Variants in ZFHX3 observed in about 807,000 individuals in gnomAD.
ZFHX3 encodes the protein zinc finger homeobox 3, also known as zinc finger homeobox protein 3.
A neutral mutation model predicts 279.1 loss-of-function variants in ZFHX3; 42 were observed. The ratio of observed to expected loss-of-function variants is 0.15; its 90% CI spans 0.12 to 0.19. ZFHX3 has a LOEUF of 0.19. Among genes scored for constraint, ZFHX3 ranks in the 10% least tolerant of loss-of-function variants. The probability of loss-of-function intolerance (pLI) is 1.00; values close to 1 mark genes in which losing one functional copy is unlikely to be tolerated. For missense variants in ZFHX3, 4,981 were observed against 4,754.0 expected (o/e 1.05, Z -1.40); for synonymous variants, 2,293 against 1,957.8 (o/e 1.17, Z -4.52).
In ZFHX3 at chr16:73,192,312, G is replaced by A. The variant is rs527452548; in HGVS notation, c.-1103-48481C>T. On this transcript the variant is annotated intron_variant, in intron 5 of 17. Transcript: ENST00000641206. ...GAATGAAAATTTAGGAAGAGTGACT[G>A]TTTGAAATGAGGCATTGAGAGGTGC... 5.1e-4 allele frequency among the ~76,000 whole-genome samples: 78 copies of A among 152,304 alleles called. 1 individual carries two copies. Among genetic ancestry groups the A allele is most frequent in the African/African-American group, 1.7e-3 (71 of 41,566 alleles).
intron 2 of ZFHX3, among the ~76,000 whole-genome samples, chr16:72,956,488 T>C (rs988490647): frequency 2.0e-5 from 3 of 152,180 alleles, no homozygotes; most frequent in African/African-American, 4.8e-5. Context: ...CAGCAGCAGC[T>C]ATCCTCAAAG....
chr16:73,780,393 C>T (rs1959426286), intron 1 of ZFHX3, among the ~76,000 whole-genome samples: 1 of 150,378 alleles, frequency 6.6e-6, no homozygotes, highest in South Asian at 2.1e-4. Flanking sequence ...GGTAATCCAC[C>T]CACCTCGGCC....
intron 1 of ZFHX3, among the ~76,000 whole-genome samples, chr16:73,784,812 T>TACACACACACAC (rs1226571839): frequency 7.3e-6 from 1 of 136,382 alleles, no homozygotes; most frequent in African/African-American, 2.8e-5. Context: ...TATATATATA[T>TACACACACACAC]ATATACACAC....
chr16:72,880,013 C>T (rs1311595869), intron 4 of ZFHX3, among the ~76,000 whole-genome samples: 1 of 152,178 alleles, frequency 6.6e-6, no homozygotes, highest in Non-Finnish European at 1.5e-5. Context: ...TTGAGCACTT[C>T]CGGCTTCATT....
chr16:73,478,104 C>G (rs1401782386), intron 2 of ZFHX3, among the ~76,000 whole-genome samples: 1 of 151,934 alleles, frequency 6.6e-6, no homozygotes, highest in Non-Finnish European at 1.5e-5. Context: ...AACCCCGTCT[C>G]TACTAAAAAT....
intron 2 of ZFHX3, among the ~76,000 whole-genome samples, chr16:73,632,814 C>A (rs548434743): frequency 6.6e-6 from 1 of 152,124 alleles, no homozygotes; most frequent in South Asian, 2.1e-4. Flanking sequence ...CGGTGGCTTA[C>A]GCCTGTAATC....
chr16:73,530,367 T>C (rs1168855681), intron 2 of ZFHX3, among the ~76,000 whole-genome samples: 1 of 152,098 alleles, frequency 6.6e-6, no homozygotes, highest in Non-Finnish European at 1.5e-5. Flanking sequence ...CCAAACAATA[T>C]GGGAACACAG....
At chr16:72,802,472 G>T (rs1300075040) in intron 7 of ZFHX3, among the ~76,000 whole-genome samples, 1 of 152,124 alleles carries the variant, frequency 6.6e-6, no homozygotes, top group Non-Finnish European at 1.5e-5. Context: ...CTCCAAACCT[G>T]TAAGTCTTGC....
At position 73,333,503 on chromosome 16, in the gene ZFHX3, A is replaced by C. The variant is rs143750164; in HGVS notation, c.-1290-15167T>G. ...AAAGCAAGAAAGCAAGCAAGCAGGC[A>C]AGCAAGCCAGTCAGCCAGCCCAGGC... On this transcript the variant is annotated intron_variant, in intron 3 of 17. Transcript: ENST00000641206. Among the ~76,000 whole-genome samples, 12 of 152,360 alleles carry C rather than the reference A, an allele frequency of 7.9e-5. No individual in the cohort carries two copies. The East Asian group carries it at 2.3e-3, about 29-fold the overall frequency.
intron 2 of ZFHX3, among the ~76,000 whole-genome samples, chr16:73,468,658 G>A (rs1421028748): frequency 1.3e-5 from 2 of 152,124 alleles, no homozygotes; most frequent in Admixed American, 1.3e-4. Flanking sequence ...AATCATTTGA[G>A]CCCTGGAGGC....
In ZFHX3 at chr16:73,295,018, C is replaced by A. The variant is rs144599127; in HGVS notation, c.-1194+23222G>T. Among the ~76,000 whole-genome samples, 6 of 152,078 alleles carry A rather than the reference C, an allele frequency of 3.9e-5. No homozygotes were observed. The East Asian group carries it at 1.2e-3, about 29-fold the overall frequency. ...CACGAGGTCAGGAGATCGAGACCAT[C>A]CTGGCTAACAAGGTGAAACCAAGTC... On this transcript the variant is annotated intron_variant, in intron 4 of 17. Transcript: ENST00000641206.
At chr16:73,694,974 G>A (rs913318128) in intron 1 of ZFHX3, among the ~76,000 whole-genome samples, 18 of 152,332 alleles carry the variant, frequency 1.2e-4, no homozygotes, top group Admixed American at 3.3e-4. Flanking sequence ...CTAAGCTGAG[G>A]CAGTTGAGAG....
Position 73,479,587 on chromosome 16 carries a change from G to A in ZFHX3, c.-1546-23329C>T, listed in dbSNP as rs537709990. Among the ~76,000 whole-genome samples the A allele has an allele frequency of 9.2e-4, 140 of 152,220 alleles. No homozygotes were observed. In the Middle Eastern group the frequency reaches 0.01, roughly 11 times the overall value. Reference sequence around the variant, plus strand: ...CTGTTATATGATCACCTGTTAACACGCCTGCCTCCTTCAACCTGTGATCAG... The same window carrying A: ...CTGTTATATGATCACCTGTTAACACACCTGCCTCCTTCAACCTGTGATCAG... On this transcript the variant is annotated intron_variant, in intron 2 of 17. Transcript: ENST00000641206.
rs368601915 is a variant in ZFHX3 at position 73,531,016 on chromosome 16, G to C, written c.-1546-74758C>G. Among the ~76,000 whole-genome samples the C allele has an allele frequency of 3.2e-4, 48 of 152,332 alleles. No homozygotes were observed. The South Asian group carries it at 5.8e-3, about 18-fold the overall frequency. The stretch of plus-strand genomic sequence containing the variant: ...TCCTAACGGGAGAGATGAAACAGGG[G>C]TATACAGTATTTTTGGTCAAACATG... On this transcript the variant is annotated intron_variant, in intron 2 of 17. Transcript: ENST00000641206.
intron 3 of ZFHX3, among the ~76,000 whole-genome samples, chr16:73,383,721 C>G (rs1438288028): frequency 6.6e-6 from 1 of 152,134 alleles, no homozygotes; most frequent in Non-Finnish European, 1.5e-5. Context: ...CAACTCTGCC[C>G]CTCACAGCTG....
chr16:73,801,012 C>T (rs1459844440), intron 1 of ZFHX3, among the ~76,000 whole-genome samples: 1 of 152,152 alleles, frequency 6.6e-6, no homozygotes, highest in African/African-American at 2.4e-5. Flanking sequence ...CTATAACCTC[C>T]CCGTAATGAG....
intron 1 of ZFHX3, among the ~76,000 whole-genome samples, chr16:73,720,509 T>C (rs539373057): frequency 1.4e-4 from 21 of 152,338 alleles, no homozygotes; most frequent in African/African-American, 4.8e-4. Context: ...TAAATCATGC[T>C]TTTAAAGTAG....
intron 3 of ZFHX3, among the ~76,000 whole-genome samples, chr16:73,331,234 A>G (rs1379688648): frequency 1.3e-5 from 2 of 152,208 alleles, no homozygotes; most frequent in Non-Finnish European, 2.9e-5. Context: ...TCATGAGAAC[A>G]GCATGGAGGA....
chr16:73,329,652 A>C (rs1192682923), intron 3 of ZFHX3, among the ~76,000 whole-genome samples: 1 of 152,206 alleles, frequency 6.6e-6, no homozygotes, highest in Non-Finnish European at 1.5e-5. Flanking sequence ...AACCCTACAG[A>C]TAGTCAGAGA....
Sources: gnomAD v4.1 joint callset for allele counts (sites outside exome capture counted in the v4.1 genomes callset) on GRCh38, gnomAD v4.1.1 for gene constraint, MANE v1.5 for transcripts, NCBI Gene and HGNC (gene_info 2026-07-23, HGNC 2026-07-21) for gene names.